The following SIN3A variants were observed in gnomAD, a reference collection of about 807,000 sequenced individuals.
SIN3A encodes paired amphipathic helix protein Sin3a.
SIN3A carries 14 observed loss-of-function variants against 146.1 expected under a neutral mutation model. The ratio of observed to expected loss-of-function variants is 0.10; its 90% confidence interval spans 0.06 to 0.15. SIN3A has a LOEUF of 0.15. Among genes scored for constraint, SIN3A ranks in the 10% least tolerant of loss-of-function variants. SIN3A has a pLI of 1.00. For synonymous variants in SIN3A, 572 were observed against 572.0 expected (o/e 1.00, Z 0.00); for missense variants, 1,028 against 1,576.0 (o/e 0.65, Z 5.89).
At position 75,401,975 on chromosome 15, in the gene SIN3A, T is replaced by C. The variant is rs375395473; in HGVS notation, c.1408-5A>G. 9.0e-5 allele frequency: 141 copies of C among 1,565,330 alleles called. No individual in the cohort carries two copies. Among genetic ancestry groups the C allele is most frequent in the Non-Finnish European group, 1.1e-4 (129 of 1,137,974 alleles). On this transcript the variant is annotated splice_region_variant and splice_polypyrimidine_tract_variant and intron_variant, in intron 9 of 20. Coordinates refer to ENST00000394947, the MANE Select transcript of SIN3A (RefSeq NM_001145358.2). Reference sequence around the variant, plus strand: ...ACTCCGAAGAGCCTTTCGGACCTTATGGAGACAACGGGAAGAAAAACAGTT... The same window carrying C: ...ACTCCGAAGAGCCTTTCGGACCTTACGGAGACAACGGGAAGAAAAACAGTT...
At chr15:75,404,914 G>A (rs62029736) in intron 9 of SIN3A, among the ~76,000 whole-genome samples, 3 of 151,788 alleles carry the variant, frequency 2.0e-5, no homozygotes, top group Non-Finnish European at 4.4e-5. Context: ...GAGGCCGAAG[G>A]AGGAGGATTG....
chr15:75,429,999 A>C, intron 2 of SIN3A, 188 bp downstream of exon 2: 200 of 502,518 alleles, frequency 4.0e-4, no homozygotes, highest in East Asian at 6.4e-4. Context: ...TACGCAGGGA[A>C]CTTCAAAGGT....
intron 1 of SIN3A, among the ~76,000 whole-genome samples, chr15:75,433,293 A>G (rs1019425088): frequency 6.6e-6 from 1 of 152,214 alleles, no homozygotes; most frequent in Non-Finnish European, 1.5e-5. Context: ...AGCCTACATT[A>G]GTGATTTCCA....
intron 15 of SIN3A, among the ~76,000 whole-genome samples, chr15:75,391,830 G>A (rs2073208550): frequency 6.6e-6 from 1 of 152,152 alleles, no homozygotes; most frequent in African/African-American, 2.4e-5. Flanking sequence ...TTAAACAGAA[G>A]TCCTGCTCAA....
At chr15:75,374,015 C>T (rs1182787318) in intron 20 of SIN3A, among the ~76,000 whole-genome samples, 1 of 152,176 alleles carries the variant, frequency 6.6e-6, no homozygotes. Context: ...AAACTTAAAA[C>T]AGCACTTCAT....
At chr15:75,419,731 A>G (rs2073808239) in intron 3 of SIN3A, 1 of 152,138 alleles carries the variant, frequency 6.6e-6, no homozygotes, top group Admixed American at 6.5e-5. Flanking sequence ...AGACTGAGGC[A>G]TAAGAATCAC....
Position 75,410,260 on chromosome 15 carries a change from A to G in SIN3A, c.1035T>C (p.Ala345=). The change falls in exon 7 of 21, where the codon GCT becomes GCC. Residue 345 remains alanine (A), a synonymous_variant. Coordinates refer to ENST00000394947, the MANE Select transcript of SIN3A (RefSeq NM_001145358.2). ...YQKEQRNAKE[A]GGNYTPALTE... Reference sequence around the variant, plus strand: ...TCAATGCTGGAGTGTAGTTTCCTCCAGCTTCCTTGGCATTTCTCTGCTCTT... The same window carrying G: ...TCAATGCTGGAGTGTAGTTTCCTCCGGCTTCCTTGGCATTTCTCTGCTCTT... 1 of 1,613,632 alleles carries G rather than the reference A, an allele frequency of 6.2e-7. No homozygotes were observed. The highest frequency in any genetic ancestry group is 8.5e-7 in the Non-Finnish European group (1 of 1,179,916).
rs904642411 is a variant in SIN3A at position 75,451,544 on chromosome 15, C to T, written c.-155G>A. Reference sequence around the variant, plus strand: ...CGCCGAAGCGGACTGCCAGCTACCTCTCCACTAACGAAGCGGTCACAGGCT... The same window carrying T: ...CGCCGAAGCGGACTGCCAGCTACCTTTCCACTAACGAAGCGGTCACAGGCT... On this transcript the variant is annotated 5_prime_UTR_variant, in exon 1 of 21. Coordinates refer to ENST00000394947, the MANE Select transcript of SIN3A (RefSeq NM_001145358.2). The T allele has an allele frequency of 6.7e-6, 1 of 148,418 alleles. No individual in the cohort carries two copies. The highest frequency in any genetic ancestry group is 2.5e-5 in the African/African-American group (1 of 40,216). 9.2% of individuals were successfully genotyped at this position (148,418 alleles called of 1,614,324 possible).
At position 75,372,220 on chromosome 15, in the gene SIN3A, G is replaced by C. The variant is rs771005258; in HGVS notation, c.3592-11C>G. 15 of 1,503,526 alleles carry C rather than the reference G, an allele frequency of 1.0e-5. No homozygotes were observed. In the South Asian group the frequency reaches 1.2e-4, roughly 12 times the overall value. 93.1% of individuals were successfully genotyped at this position (1,503,526 alleles called of 1,614,324 possible). A position where few individuals can be genotyped will look rare whatever the true frequency, so the allele number is the denominator to read the frequency against. On this transcript the variant is annotated splice_polypyrimidine_tract_variant and intron_variant, in intron 20 of 20. Transcript: ENST00000394947. Reference sequence around the variant, plus strand: ...TACACGCTCATGGGACTGCAAAACAGAAAAAAAAAATTTTATTAAATGAAG... The same window carrying C: ...TACACGCTCATGGGACTGCAAAACACAAAAAAAAAATTTTATTAAATGAAG...
chr15:75,372,363 G>T (rs1029757674), intron 20 of SIN3A, among the ~76,000 whole-genome samples, 154 bp from the exon 21 acceptor site: 1 of 152,028 alleles, frequency 6.6e-6, no homozygotes, highest in East Asian at 1.9e-4. Flanking sequence ...AAAAAAAAAG[G>T]ATTCTCTGTT....
At chr15:75,387,483 G>C (rs939224710) in intron 16 of SIN3A, among the ~76,000 whole-genome samples, 6 of 127,180 alleles carry the variant, frequency 4.7e-5, no homozygotes, top group Non-Finnish European at 9.5e-5. Context: ...CTGGGCAATA[G>C]AGTGAGACCC....
intron 1 of SIN3A, among the ~76,000 whole-genome samples, chr15:75,443,077 C>T (rs1052449908): frequency 3.3e-5 from 5 of 152,026 alleles, no homozygotes; most frequent in African/African-American, 4.8e-5. Flanking sequence ...CTCAGCCTCC[C>T]GAGATGCTAG....
chr15:75,454,013 A>C (rs986942724), upstream of SIN3A: 20 of 152,204 alleles, frequency 1.3e-4, no homozygotes. Context: ...GAGCGCGCTC[A>C]AGAGCGGAGG....
intron 3 of SIN3A, among the ~76,000 whole-genome samples, chr15:75,418,295 G>C (rs1363195599): frequency 6.6e-6 from 1 of 151,522 alleles, no homozygotes; most frequent in East Asian, 2.0e-4. Flanking sequence ...CTCCCAACGT[G>C]CTGGGATTAC....
In SIN3A at chr15:75,380,681, T is replaced by C; in HGVS notation, c.3331A>G (p.Thr1111Ala). ...YVERYMNSDT[T>A]SPELREHLAQ... is the part of the protein sequence containing the mutation. Reference sequence around the variant, plus strand: ...AGATGTTCACGAAGCTCAGGCGAGGTAGTATCTGAATTCATGTATCGCTCC... The same window carrying C: ...AGATGTTCACGAAGCTCAGGCGAGGCAGTATCTGAATTCATGTATCGCTCC... The change falls in exon 19 of 21, where the codon ACC (threonine) becomes GCC (alanine). Residue 1111 changes from threonine to alanine, a missense_variant. Thr to Ala is a moderately conservative substitution (Grantham distance 58). Transcript: ENST00000394947. 1 of 1,613,984 alleles carries C rather than the reference T, an allele frequency of 6.2e-7. No individual in the cohort carries two copies. The highest frequency in any genetic ancestry group is 8.5e-7 in the Non-Finnish European group (1 of 1,179,962).
chr15:75,411,048 C>T (rs1474522543), intron 6 of SIN3A, among the ~76,000 whole-genome samples: 2 of 146,810 alleles, frequency 1.4e-5, no homozygotes, highest in Non-Finnish European at 3.0e-5. Flanking sequence ...GGCTTTATAG[C>T]ATGGGGGCGG....
chr15:75,383,060 C>T (rs895039779), intron 17 of SIN3A, among the ~76,000 whole-genome samples: 1 of 151,136 alleles, frequency 6.6e-6, no homozygotes, highest in African/African-American at 2.4e-5. Flanking sequence ...GCACTCCAAG[C>T]CTGGACAACC....
intron 1 of SIN3A, among the ~76,000 whole-genome samples, chr15:75,444,128 A>G (rs1205673549): frequency 6.6e-6 from 1 of 152,244 alleles, no homozygotes; most frequent in Admixed American, 6.5e-5. Context: ...GTTTCGATGT[A>G]CAAGTGGTAA....
intron 3 of SIN3A, among the ~76,000 whole-genome samples, chr15:75,418,143 T>C (rs1235668168): frequency 6.6e-6 from 1 of 152,156 alleles, no homozygotes; most frequent in Non-Finnish European, 1.5e-5. Context: ...GCGATTCTCC[T>C]GCCTCAGCCT....
Sources: allele counts gnomAD v4.1 joint callset (sites outside exome capture counted in the v4.1 genomes callset), GRCh38; gene constraint gnomAD v4.1.1; transcripts MANE v1.5; gene names NCBI Gene and HGNC (gene_info 2026-07-23, HGNC 2026-07-21).